Variants in BMP7 observed in about 807,000 individuals in gnomAD.
BMP7 encodes the protein bone morphogenetic protein 7, also known as osteogenic protein 1.
In BMP7, 12 loss-of-function variants were observed where a neutral mutation model predicts 41.2. The ratio of observed to expected loss-of-function variants is 0.29; its 90% CI spans 0.19 to 0.47. The LOEUF is 0.47. Among genes scored for constraint, BMP7 ranks in the 20% least tolerant of loss-of-function variants. The probability of loss-of-function intolerance (pLI) is 0.99; values close to 1 mark genes in which losing one functional copy is unlikely to be tolerated. For synonymous variants in BMP7, 248 were observed against 250.0 expected (o/e 0.99, Z 0.07); for missense variants, 467 against 606.0 (o/e 0.77, Z 2.41).
intron 1 of BMP7, among the ~76,000 whole-genome samples, chr20:57,238,599 A>G (rs1331842748): frequency 2.6e-5 from 4 of 151,966 alleles, no homozygotes; most frequent in Non-Finnish European, 1.5e-5. Context: ...ATTTCTCCAC[A>G]TGTCCACCAC....
intron 3 of BMP7, among the ~76,000 whole-genome samples, chr20:57,195,038 T>C (rs1335477776): frequency 3.3e-5 from 5 of 152,062 alleles, no homozygotes; most frequent in East Asian, 1.9e-4. Flanking sequence ...CTGGTGGAGA[T>C]AGGACTCAGA....
In BMP7 at chr20:57,261,134, T is replaced by G. The variant is rs541014736; in HGVS notation, c.418+4571A>C. On this transcript the variant is annotated intron_variant, in intron 1 of 6. Transcript: ENST00000395863. The surrounding 1 kb of genome is among the most constrained non-coding windows in gnomAD (Gnocchi z 4.1). ...AGTTCAGCGGACACGTGATATTCAC[T>G]CACATCGCAGGCATTCCGGTGGTGA... 5.6e-4 allele frequency among the ~76,000 whole-genome samples: 85 copies of G among 152,312 alleles called. No individual in the cohort carries two copies. In the South Asian group the frequency reaches 0.016, roughly 29 times the overall value.
Position 57,192,338 on chromosome 20 carries a change from T to C in BMP7, c.761-8419A>G, listed in dbSNP as rs563688334. 5.8e-4 allele frequency among the ~76,000 whole-genome samples: 83 copies of C among 141,898 alleles called. No individual in the cohort carries two copies. In the South Asian group the frequency reaches 0.018, roughly 30 times the overall value. 93.1% of individuals were successfully genotyped at this position (141,898 alleles called of 152,430 possible). ...AGAAGACATATTAATATATATTATG[T>C]ATTTTTTATGTGTATATATATATAA... On this transcript the variant is annotated intron_variant, in intron 3 of 6. Coordinates refer to ENST00000395863, the MANE Select transcript of BMP7 (RefSeq NM_001719.3).
At chr20:57,250,332 A>G (rs2066107099) in intron 1 of BMP7, among the ~76,000 whole-genome samples, 2 of 141,458 alleles carry the variant, frequency 1.4e-5, no homozygotes, top group African/African-American at 5.2e-5. Flanking sequence ...TTTATATAAT[A>G]TATAATATAT....
At chr20:57,216,021 A>G (rs772713503) in intron 2 of BMP7, among the ~76,000 whole-genome samples, 4 of 152,158 alleles carry the variant, frequency 2.6e-5, no homozygotes, top group Non-Finnish European at 5.9e-5. Flanking sequence ...GACAGAAACA[A>G]GTGACGCAAT....
intron 4 of BMP7, among the ~76,000 whole-genome samples, chr20:57,181,618 T>C (rs1027410559): frequency 6.6e-6 from 1 of 152,210 alleles, no homozygotes; most frequent in Non-Finnish European, 1.5e-5. Context: ...TACAAGCGGA[T>C]TATAGCTCTG....
At chr20:57,231,143 A>G (rs372378360) in intron 1 of BMP7, among the ~76,000 whole-genome samples, 1 of 152,208 alleles carries the variant, frequency 6.6e-6, no homozygotes, top group Non-Finnish European at 1.5e-5. Flanking sequence ...GTTTTTGAAC[A>G]GTCGCTGCAG....
intron 3 of BMP7, among the ~76,000 whole-genome samples, chr20:57,193,869 C>A (rs908530328): frequency 6.6e-6 from 1 of 152,204 alleles, no homozygotes; most frequent in African/African-American, 2.4e-5. Flanking sequence ...TCTGAAGAGG[C>A]CAGGAAAGCT....
intron 2 of BMP7, among the ~76,000 whole-genome samples, chr20:57,211,951 A>C (rs938531293): frequency 1.3e-5 from 2 of 152,218 alleles, no homozygotes; most frequent in Non-Finnish European, 2.9e-5. Context: ...TGGGCTCAGC[A>C]GCTGGAGGAA....
Position 57,222,857 on chromosome 20 carries a change from A to G in BMP7, c.611+5372T>C, listed in dbSNP as rs1985221795. Among the ~76,000 whole-genome samples the G allele has an allele frequency of 3.9e-5, 5 of 127,026 alleles. No individual in the cohort carries two copies. In the East Asian group the frequency reaches 1.0e-3, roughly 26 times the overall value. The allele number at this position is 127,026 out of a possible 152,430, so 83.3% of individuals were successfully genotyped here. A position where few individuals can be genotyped will look rare whatever the true frequency, so the allele number is the denominator to read the frequency against. On this transcript the variant is annotated intron_variant, in intron 2 of 6. Transcript: ENST00000395863. ...CCAGAGGCTTCTGGAAGCTTCCAGAAGCTTCCAGAAGCCTCTGGAGCCAGA... is the reference window on the plus strand; with the variant it reads ...CCAGAGGCTTCTGGAAGCTTCCAGAGGCTTCCAGAAGCCTCTGGAGCCAGA...
intron 4 of BMP7, among the ~76,000 whole-genome samples, chr20:57,178,856 A>C (rs780517067): frequency 3.1e-4 from 47 of 152,180 alleles, no homozygotes; most frequent in Admixed American, 1.4e-3. Flanking sequence ...CGTCAGAAGG[A>C]AGTCCCATGA....
chr20:57,177,220 G>A (rs576729929), intron 4 of BMP7, among the ~76,000 whole-genome samples: 256 of 152,354 alleles, frequency 1.7e-3, no homozygotes, highest in African/African-American at 5.9e-3. Context: ...GGTTGAGGAG[G>A]AAGGAGGCAG....
rs1245387656 is a variant in BMP7 at position 57,266,064 on chromosome 20, G to A, written c.59C>T (p.Pro20Leu). The stretch of plus-strand genomic sequence containing the variant: ...CAGGGCGGAGCGCAGCAGGAACAGG[G>A]GTGCCCAGAGCGCCACGAAGCTGTG... Reference protein sequence around the residue: ...APHSFVALWAPLFLLRSALAD... With the variant: ...APHSFVALWALLFLLRSALAD... Residue 20 changes from proline to leucine, a missense_variant, in exon 1 of 7, where the codon CCC becomes CTC. Coordinates refer to ENST00000395863, the MANE Select transcript of BMP7 (RefSeq NM_001719.3). 1 of 1,540,408 alleles carries A rather than the reference G, an allele frequency of 6.5e-7. No individual in the cohort carries two copies. The highest frequency in any genetic ancestry group is 8.7e-7 in the Non-Finnish European group (1 of 1,146,754).
chr20:57,180,878 T>A (rs1426936623), intron 4 of BMP7, among the ~76,000 whole-genome samples: 1 of 152,092 alleles, frequency 6.6e-6, no homozygotes, highest in Non-Finnish European at 1.5e-5. Flanking sequence ...TGACCTGCCT[T>A]CTCCCTTGAA....
chr20:57,245,700 G>A (rs1423069162), intron 1 of BMP7, among the ~76,000 whole-genome samples: 1 of 147,698 alleles, frequency 6.8e-6, no homozygotes, highest in Non-Finnish European at 1.5e-5. Context: ...GTGCAGTGGC[G>A]TGATCTCGGT....
chr20:57,260,158 A>C (rs1389351796), intron 1 of BMP7, among the ~76,000 whole-genome samples: 2 of 152,214 alleles, frequency 1.3e-5, no homozygotes, highest in Non-Finnish European at 2.9e-5. Flanking sequence ...TGACCCTTGC[A>C]TGCTGTGAGA....
chr20:57,250,328 T>A (rs1256687113), intron 1 of BMP7, among the ~76,000 whole-genome samples: 5 of 143,344 alleles, frequency 3.5e-5, no homozygotes, highest in African/African-American at 1.0e-4. Context: ...TATATTTATA[T>A]AATATATAAT....
chr20:57,228,202 T>C lies in BMP7; in HGVS notation c.611+27A>G. Reference sequence around the variant, plus strand: ...CTGCCCCCAGAGGAAACTCAGCACCTCTCCCAGATACCCGTATAGCACCCA... The same window carrying C: ...CTGCCCCCAGAGGAAACTCAGCACCCCTCCCAGATACCCGTATAGCACCCA... On this transcript the variant is annotated intron_variant, in intron 2 of 6. Coordinates refer to ENST00000395863, the MANE Select transcript of BMP7 (RefSeq NM_001719.3). The surrounding 1 kb of genome is among the most constrained non-coding windows in gnomAD (Gnocchi z 4.5). 1 of 1,610,564 alleles carries C rather than the reference T, an allele frequency of 6.2e-7. No individual in the cohort carries two copies. The highest frequency in any genetic ancestry group is 8.5e-7 in the Non-Finnish European group (1 of 1,178,438).
chr20:57,266,341 C>G lies in BMP7; in HGVS notation c.-219G>C, dbSNP rs2066178905. ...CCGGGCCCCTCGCCCCGCACTCGCCCGGGCGCACCGCAGGGCTTGGAAAGC... is the reference window on the plus strand; with the variant it reads ...CCGGGCCCCTCGCCCCGCACTCGCCGGGGCGCACCGCAGGGCTTGGAAAGC... On this transcript the variant is annotated 5_prime_UTR_variant, in exon 1 of 7. Transcript: ENST00000395863. 3.4e-6 allele frequency: 1 copy of G among 296,186 alleles called. No individual in the cohort carries two copies. Among genetic ancestry groups the G allele is most frequent in the Non-Finnish European group, 6.0e-6 (1 of 167,788 alleles). The allele number at this position is 296,186 out of a possible 1,614,324, so 18.3% of individuals were successfully genotyped here. A position where few individuals can be genotyped will look rare whatever the true frequency, so the allele number is the denominator to read the frequency against.
Sources: gnomAD v4.1 joint callset for allele counts (sites outside exome capture counted in the v4.1 genomes callset) on GRCh38, gnomAD v4.1.1 for gene constraint, Gnocchi (gnomAD v3.1) non-coding constraint, MANE v1.5 for transcripts, NCBI Gene and HGNC (gene_info 2026-07-23, HGNC 2026-07-21) for gene names.